Variants in CXADR observed in about 807,000 individuals in gnomAD.
The protein encoded by CXADR is coxsackievirus and adenovirus receptor.
In CXADR, 20 loss-of-function variants were observed where a neutral mutation model predicts 40.3. The ratio of observed to expected loss-of-function variants is 0.50; its 90% CI spans 0.35 to 0.72. The LOEUF (loss-of-function observed/expected upper bound fraction) is 0.72, where lower values mean the gene tolerates loss of function less well. Ranked by LOEUF, CXADR falls within the 30% of genes least tolerant of loss-of-function variation. The pLI is 0.01. For synonymous variants in CXADR, 150 were observed against 161.3 expected (o/e 0.93, Z 0.53); for missense variants, 332 against 449.1 (o/e 0.74, Z 2.36).
the CXADR span, chr21:17,612,837 C>T: frequency 6.8e-3 from 1,042 of 152,254 alleles, 72 homozygotes; most frequent in East Asian, 0.15. Flanking sequence ...CGTGCGGCTC[C>T]CGCGTCGTCG....
chr21:17,592,494 A>T (rs1329291446), intron 7 of CXADR, among the ~76,000 whole-genome samples: 1 of 151,918 alleles, frequency 6.6e-6, no homozygotes, highest in Non-Finnish European at 1.5e-5. Context: ...AGCAATAAAT[A>T]AATTCTGTCT....
Position 17,569,300 on chromosome 21 carries a change from A to G in CXADR, c.*3608A>G, listed in dbSNP as rs1482081681. On this transcript the variant is annotated 3_prime_UTR_variant, in exon 7 of 7. Coordinates refer to ENST00000284878, the MANE Select transcript of CXADR (RefSeq NM_001338.5). ...TGTGGTTAATGCTTTGATGTGTCAC[A>G]TAAAGAGTAGTTTGTAGAAAATGTT... The G allele has an allele frequency of 1.0e-5, 10 of 985,260 alleles. No individual in the cohort carries two copies. The highest frequency in any genetic ancestry group is 1.2e-5 in the Non-Finnish European group (10 of 829,922). 61.0% of individuals were successfully genotyped at this position (985,260 alleles called of 1,614,324 possible). A position where few individuals can be genotyped will look rare whatever the true frequency, so the allele number is the denominator to read the frequency against.
the CXADR span, among the ~76,000 whole-genome samples, chr21:17,631,122 A>G: frequency 7.2e-5 from 11 of 152,314 alleles, no homozygotes; most frequent in Non-Finnish European, 1.3e-4. Flanking sequence ...AATGTATTGA[A>G]CCTACTAAAT....
chr21:17,598,101 A>C (rs953887971), downstream of CXADR, among the ~76,000 whole-genome samples: 4 of 152,216 alleles, frequency 2.6e-5, no homozygotes, highest in African/African-American at 9.6e-5. Flanking sequence ...TATAAATAGT[A>C]AATCAGTGAA....
the CXADR span, chr21:17,608,899 C>T: frequency 1.3e-5 from 19 of 1,449,308 alleles, no homozygotes; most frequent in Non-Finnish European, 1.8e-5. Context: ...GGTCTGCACA[C>T]CCTTCAATCA....
At chr21:17,627,919 T>C in the CXADR span, among the ~76,000 whole-genome samples, 1 of 152,238 alleles carries the variant, frequency 6.6e-6, no homozygotes, top group African/African-American at 2.4e-5. Flanking sequence ...AATTCTGGTC[T>C]AGTTCAGTAG....
chr21:17,520,947 A>T (rs2060522863), intron 1 of CXADR, among the ~76,000 whole-genome samples: 1 of 152,158 alleles, frequency 6.6e-6, no homozygotes. Context: ...GCAAGGAGGT[A>T]AAAAAATATC....
chr21:17,605,166 G>T, the CXADR span: 1 of 716,404 alleles, frequency 1.4e-6, no homozygotes, highest in Non-Finnish European at 2.1e-6. Flanking sequence ...TGAACTACAG[G>T]CACAGAGGCA....
At chr21:17,621,352 G>A in the CXADR span, among the ~76,000 whole-genome samples, 1 of 152,124 alleles carries the variant, frequency 6.6e-6, no homozygotes, top group African/African-American at 2.4e-5. Context: ...GTGAGGATGG[G>A]GTGGGGACGG....
intron 7 of CXADR, among the ~76,000 whole-genome samples, chr21:17,585,799 T>A (rs2061391563): frequency 6.6e-6 from 1 of 152,224 alleles, no homozygotes; most frequent in African/African-American, 2.4e-5. Flanking sequence ...ATTACAGGCA[T>A]GAGCCACCGC....
chr21:17,534,721 C>T lies in CXADR; in HGVS notation c.44-12306C>T, dbSNP rs557020464. On this transcript the variant is annotated intron_variant, in intron 1 of 6. Coordinates refer to ENST00000284878, the MANE Select transcript of CXADR (RefSeq NM_001338.5). ...TTATCAATCTTCTTCTTCATTTTCT[C>T]GAACCTCTAAATCTACTTATAAATC... Among the ~76,000 whole-genome samples, 90 of 151,756 alleles carry T rather than the reference C, an allele frequency of 5.9e-4. 1 individual carries two copies. Among genetic ancestry groups the T allele is most frequent in the Middle Eastern group, 3.4e-3 (1 of 294 alleles).
chr21:17,518,891 C>T, intron 1 of CXADR: 1 of 1,573,760 alleles, frequency 6.4e-7, no homozygotes, highest in Non-Finnish European at 8.7e-7. Context: ...AGCTTTTTGT[C>T]ATCAGCCATG....
rs188892789 is a variant in CXADR at position 17,514,680 on chromosome 21, C to T, written c.43+1508C>T. Reference sequence around the variant, plus strand: ...TGGAGTTTCGCTCTTGTTGCACAGGCTGGAGTGCAATGGCGTGATCTTGGC... The same window carrying T: ...TGGAGTTTCGCTCTTGTTGCACAGGTTGGAGTGCAATGGCGTGATCTTGGC... On this transcript the variant is annotated intron_variant, in intron 1 of 6. Coordinates refer to ENST00000284878, the MANE Select transcript of CXADR (RefSeq NM_001338.5). Among the ~76,000 whole-genome samples, 341 of 151,112 alleles carry T rather than the reference C, an allele frequency of 2.3e-3. 1 individual carries two copies. The highest frequency in any genetic ancestry group is 3.6e-3 in the Non-Finnish European group (244 of 67,886).
intron 7 of CXADR, among the ~76,000 whole-genome samples, chr21:17,578,078 A>G (rs1423989968): frequency 6.6e-6 from 1 of 152,172 alleles, no homozygotes; most frequent in East Asian, 1.9e-4. Flanking sequence ...TAATTCAGTG[A>G]ACATAGGAGT....
At chr21:17,534,374 C>T (rs565217307) in intron 1 of CXADR, among the ~76,000 whole-genome samples, 5 of 151,910 alleles carry the variant, frequency 3.3e-5, no homozygotes, top group African/African-American at 7.3e-5. Context: ...GGATTACAGG[C>T]GTGAGCCACG....
chr21:17,560,833 T>C lies in CXADR; in HGVS notation c.694+9T>C, dbSNP rs529507790. Reference sequence around the variant, plus strand: ...TCTAAACGTTGTCCCTCGTAAGTTATCTTCTTTCTGTTGGTGGTTTTGTTT... The same window carrying C: ...TCTAAACGTTGTCCCTCGTAAGTTACCTTCTTTCTGTTGGTGGTTTTGTTT... On this transcript the variant is annotated intron_variant, in intron 5 of 6. Transcript: ENST00000284878. 1.9e-6 allele frequency: 3 copies of C among 1,612,482 alleles called. No homozygotes were observed. Among genetic ancestry groups the C allele is most frequent in the East Asian group, 4.5e-5 (2 of 44,850 alleles).
intron 2 of CXADR, among the ~76,000 whole-genome samples, chr21:17,549,193 T>C (rs1019760633): frequency 3.9e-5 from 6 of 152,204 alleles, no homozygotes; most frequent in African/African-American, 1.2e-4. Flanking sequence ...ATTATACATA[T>C]GGCAAGGAGG....
chr21:17,542,299 A>T (rs568120656), intron 1 of CXADR, among the ~76,000 whole-genome samples: 3 of 152,364 alleles, frequency 2.0e-5, no homozygotes, highest in South Asian at 2.1e-4. Context: ...TTGAAAAAAC[A>T]AGTGAAAGAA....
At chr21:17,579,432 A>AAC (rs2061344943) in intron 7 of CXADR, among the ~76,000 whole-genome samples, 3 of 151,818 alleles carry the variant, frequency 2.0e-5, no homozygotes, top group African/African-American at 7.3e-5. Flanking sequence ...CTACAGGTGC[A>AAC]TGCCACCACA....
Sources: gnomAD v4.1 joint callset for allele counts (sites outside exome capture counted in the v4.1 genomes callset) on GRCh38, gnomAD v4.1.1 for gene constraint, MANE v1.5 for transcripts, NCBI Gene and HGNC (gene_info 2026-07-23, HGNC 2026-07-21) for gene names.